ZGLP1: variants seen among roughly 807,000 people sequenced by gnomAD.
ZGLP1 encodes zinc finger GATA like protein 1.
In ZGLP1, 11 loss-of-function variants were observed where a neutral mutation model predicts 21.4. That is an observed-to-expected ratio of 0.51 (90% CI 0.32 to 0.85). The LOEUF (loss-of-function observed/expected upper bound fraction) is 0.85. Among genes scored for constraint, ZGLP1 ranks in the 40% least tolerant of loss-of-function variants. The probability of loss-of-function intolerance (pLI) is 0.03; values close to 1 mark genes in which losing one functional copy is unlikely to be tolerated. For missense variants in ZGLP1, 295 were observed against 355.6 expected (o/e 0.83, Z 1.37); for synonymous variants, 148 against 145.0 (o/e 1.02, Z -0.15).
At chr19:10,308,193 G>A in exon 1 of ZGLP1, 4 of 1,534,934 alleles carry the variant, frequency 2.6e-6, no homozygotes, top group Non-Finnish European at 3.5e-6. Flanking sequence ...ACCTGTACGT[G>A]GGGATGATCT....
At chr19:10,308,589 A>C in exon 1 of ZGLP1, 1 of 1,571,534 alleles carries the variant, frequency 6.4e-7, no homozygotes, top group Non-Finnish European at 8.6e-7. Flanking sequence ...TTCTTGGGTG[A>C]CTCCTGGGTT....
At chr19:10,306,083 C>T in intron 1 of ZGLP1, 131 bp from the exon 3 acceptor site, 1 of 507,374 alleles carries the variant, frequency 2.0e-6, no homozygotes, top group Non-Finnish European at 3.5e-6. Flanking sequence ...AATGGCCTGG[C>T]TTTGCCTCTC....
At chr19:10,308,572 T>C in exon 1 of ZGLP1, 1 of 1,591,254 alleles carries the variant, frequency 6.3e-7, no homozygotes, top group Non-Finnish European at 8.6e-7. Context: ...GGCAGTGGGG[T>C]CACGTTTTCT....
chr19:10,308,727 C>CA (rs762876306), exon 1 of ZGLP1: 1 of 1,433,502 alleles, frequency 7.0e-7, no homozygotes, highest in Non-Finnish European at 9.2e-7. Context: ...AATTGCAACT[C>CA]ACCTCGCCCA....
Position 10,308,473 on chromosome 19 carries a change from G to A in ZGLP1, c.209C>T (p.Ser70Phe), listed in dbSNP as rs748442862. ...CAGGACCGGGGTGTCCTGGGCAGGG[G>A]ACTGACCCAGCCTCTCCACTGTCTC... Residue 70 changes from serine to phenylalanine, a missense_variant, in exon 1 of 4, where the codon TCC becomes TTC. Ser to Phe is a radical substitution (Grantham distance 155). This residue lies in a region of ZGLP1 where 252 missense variants were observed against 264.0 expected (regional missense o/e 0.95). Transcript: ENST00000403903. 2.5e-6 allele frequency: 4 copies of A among 1,611,636 alleles called. No individual in the cohort carries two copies. In the South Asian group the frequency reaches 4.4e-5, roughly 18 times the overall value.
At chr19:10,307,419 T>C (rs2040285705) in intron 1 of ZGLP1, among the ~76,000 whole-genome samples, 1 of 150,512 alleles carries the variant, frequency 6.6e-6, no homozygotes, top group Admixed American at 6.7e-5. Flanking sequence ...GTGCCATCTC[T>C]GCTCAGTGCA....
exon 1 of ZGLP1, chr19:10,308,371 G>T: frequency 6.2e-7 from 1 of 1,607,934 alleles, no homozygotes; most frequent in South Asian, 1.1e-5. Flanking sequence ...GCTGATCCTG[G>T]TCTGTGTGTC....
chr19:10,306,270 G>A (rs1455632601), intron 1 of ZGLP1, among the ~76,000 whole-genome samples: 1 of 151,700 alleles, frequency 6.6e-6, no homozygotes, highest in East Asian at 1.9e-4. Context: ...GCGACACCAC[G>A]CCCAGCTAAT....
In ZGLP1 at chr19:10,305,046, G is replaced by C; in HGVS notation, c.*45C>G. ...GCTGCTTCTGCCCATTCTCCCACTG[G>C]TGAAACGGAGGCAGAAGCAGCAGCT... is the stretch of plus-strand genomic sequence containing the variant. On this transcript the variant is annotated 3_prime_UTR_variant, in exon 4 of 4. Coordinates refer to ENST00000403903, the Ensembl canonical transcript of ZGLP1. The surrounding 1 kb of genome is among the most constrained non-coding windows in gnomAD (Gnocchi z 4.7). 2.0e-6 allele frequency: 3 copies of C among 1,463,738 alleles called. No individual in the cohort carries two copies. The highest frequency in any genetic ancestry group is 1.9e-6 in the Non-Finnish European group (2 of 1,044,438). 90.7% of individuals were successfully genotyped at this position (1,463,738 alleles called of 1,614,324 possible). A position where few individuals can be genotyped will look rare whatever the true frequency, so the allele number is the denominator to read the frequency against.
At position 10,305,923 on chromosome 19, in the gene ZGLP1, G is replaced by A. The variant is rs747668967; in HGVS notation, c.527C>T (p.Ser176Phe). 24 of 1,564,610 alleles carry A rather than the reference G, an allele frequency of 1.5e-5. No homozygotes were observed. Among genetic ancestry groups the A allele is most frequent in the Non-Finnish European group, 1.8e-5 (21 of 1,153,254 alleles). ...AGGGCCCCCAACAGCATCTGCAGGG[G>A]ATTCCTGAGAACGGCTACTGCAGGG... Residue 176 changes from serine to phenylalanine, a missense_variant, in exon 2 of 4, where the codon TCC becomes TTC. Ser to Phe is a radical substitution (Grantham distance 155). Around this residue, in one of 2 missense-constraint regions of ZGLP1, gnomAD observed 252 missense variants for 264.0 expected, o/e 0.95. Coordinates refer to ENST00000403903, the Ensembl canonical transcript of ZGLP1. This position sits in a 1 kb window ranked among gnomAD's most constrained non-coding sequence, Gnocchi z 4.7.
chr19:10,308,417 TC>T lies in ZGLP1; in HGVS notation c.264del (p.Thr89LeufsTer43). On this transcript the variant is annotated frameshift_variant, in exon 1 of 4. Coordinates refer to ENST00000403903, the Ensembl canonical transcript of ZGLP1. LOFTEE classifies it high-confidence loss of function. The stretch of plus-strand genomic sequence containing the variant: ...CTGTCCAGCAGCAGGCGGCCCTGAG[TC>T]CCCAGAGCCATCGGGTCCCAGCAAG... 1 of 1,608,894 alleles carries T rather than the reference TC, an allele frequency of 6.2e-7. No homozygotes were observed.
chr19:10,304,863 C>A, exon 4 of ZGLP1: 1 of 567,502 alleles, frequency 1.8e-6, no homozygotes, highest in Non-Finnish European at 3.1e-6. Context: ...TTCCTGAGAG[C>A]GTCTCCTGAG....
chr19:10,305,520 C>T lies in ZGLP1; in HGVS notation c.605-37G>A, dbSNP rs1337097089. The T allele has an allele frequency of 1.3e-6, 2 of 1,550,012 alleles. No homozygotes were observed. The highest frequency in any genetic ancestry group is 2.3e-5 in the South Asian group (2 of 85,184). On this transcript the variant is annotated intron_variant, in intron 2 of 3. Coordinates refer to ENST00000403903, the Ensembl canonical transcript of ZGLP1. This position sits in a 1 kb window ranked among gnomAD's most constrained non-coding sequence, Gnocchi z 4.7. ...GAGGTCAAAGGGCAGGGGTCAGAGG[C>T]CAAGCATGTGAGCTCGGGATGCCTG... is the stretch of plus-strand genomic sequence containing the variant.
At chr19:10,307,010 T>C (rs2040283090) in intron 1 of ZGLP1, among the ~76,000 whole-genome samples, 1 of 151,802 alleles carries the variant, frequency 6.6e-6, no homozygotes, top group African/African-American at 2.4e-5. Flanking sequence ...AGCAGGCACC[T>C]GTAATCCCAG....
At chr19:10,304,877 G>T in exon 4 of ZGLP1, 1 of 580,866 alleles carries the variant, frequency 1.7e-6, no homozygotes, top group East Asian at 2.9e-5. Flanking sequence ...TCCTGAGGGG[G>T]CCTCGGCCAA....
intron 1 of ZGLP1, among the ~76,000 whole-genome samples, chr19:10,307,519 T>G (rs77034001): frequency 0.019 from 2,779 of 149,904 alleles, 88 homozygotes; most frequent in African/African-American, 0.064. Context: ...CCAGCTAGTT[T>G]TTTTTTTTTT....
intron 1 of ZGLP1, among the ~76,000 whole-genome samples, chr19:10,307,160 C>T (rs542276802): frequency 2.6e-5 from 4 of 151,094 alleles, no homozygotes; most frequent in East Asian, 1.9e-4. Flanking sequence ...ATTGTTTTGG[C>T]GGCATGATTA....
In ZGLP1 at chr19:10,305,645, G is replaced by A. The variant is rs1449101839; in HGVS notation, c.605-162C>T. On this transcript the variant is annotated intron_variant, in intron 2 of 3. Coordinates refer to ENST00000403903, the Ensembl canonical transcript of ZGLP1. The surrounding 1 kb of genome is among the most constrained non-coding windows in gnomAD (Gnocchi z 4.7). ...CTCTAAGCCACAGCAAAGCCAGGAA[G>A]GGAGACAGATGGCAGCATTCCGCAG... 3 of 755,236 alleles carry A rather than the reference G, an allele frequency of 4.0e-6. No individual in the cohort carries two copies. The African/African-American group carries it at 5.2e-5, about 13-fold the overall frequency. The allele number at this position is 755,236 out of a possible 1,614,324, so 46.8% of individuals were successfully genotyped here.
chr19:10,306,515 A>T (rs2040280333), intron 1 of ZGLP1, among the ~76,000 whole-genome samples: 1 of 152,094 alleles, frequency 6.6e-6, no homozygotes, highest in Non-Finnish European at 1.5e-5. Flanking sequence ...TGGACACATT[A>T]TCTCCTACTC....
Sources: gnomAD v4.1 joint callset for allele counts (sites outside exome capture counted in the v4.1 genomes callset) on GRCh38, gnomAD v4.1.1 for gene constraint, gnomAD v4.1.1 regional missense constraint, Gnocchi (gnomAD v3.1) non-coding constraint, MANE v1.5 for transcripts, NCBI Gene and HGNC (gene_info 2026-07-23, HGNC 2026-07-21) for gene names.